CAMKMT: variants seen among roughly 807,000 people sequenced by gnomAD.
The protein encoded by CAMKMT is calmodulin-lysine N-methyltransferase.
Under a neutral mutation model 48.0 loss-of-function variants are expected in CAMKMT, and 53 were observed. The ratio of observed to expected loss-of-function variants is 1.10; its 90% CI spans 0.89 to 1.39. The LOEUF is 1.39. Among genes scored for constraint, CAMKMT ranks in the 40% most tolerant of loss-of-function variants. The pLI is 0.00. For synonymous variants in CAMKMT, 165 were observed against 152.3 expected, an observed-to-expected ratio of 1.08 and a Z score of -0.61; for missense variants, 428 against 402.7, an observed-to-expected ratio of 1.06 and a Z score of -0.54.
intron 3 of CAMKMT, among the ~76,000 whole-genome samples, chr2:44,668,669 T>C (rs560895242): frequency 1.1e-4 from 16 of 152,358 alleles, no homozygotes; most frequent in African/African-American, 3.8e-4. Flanking sequence ...CGTAGAATAT[T>C]ACCAATGTTT....
intron 3 of CAMKMT, among the ~76,000 whole-genome samples, chr2:44,480,535 G>A (rs1668913863): frequency 6.6e-6 from 1 of 152,066 alleles, no homozygotes; most frequent in Admixed American, 6.5e-5. Context: ...AGCAACCCTT[G>A]TCTTATTGCT....
chr2:44,631,002 G>A (rs1306573736), intron 3 of CAMKMT, among the ~76,000 whole-genome samples: 1 of 152,040 alleles, frequency 6.6e-6, no homozygotes, highest in Non-Finnish European at 1.5e-5. Context: ...CAACCCAAAT[G>A]TCCAACAATG....
intron 3 of CAMKMT, among the ~76,000 whole-genome samples, chr2:44,451,751 A>C (rs1040283938): frequency 6.6e-6 from 1 of 152,036 alleles, no homozygotes; most frequent in African/African-American, 2.4e-5. Context: ...AAACACGGTA[A>C]AATGTTAAGG....
At chr2:44,372,993 A>G (rs948685468) in intron 2 of CAMKMT, 105 bp downstream of exon 2, 3 of 1,066,288 alleles carry the variant, frequency 2.8e-6, no homozygotes, top group African/African-American at 3.3e-5. Flanking sequence ...GTTTACGGGC[A>G]ATCTTTTTCA....
intron 3 of CAMKMT, among the ~76,000 whole-genome samples, chr2:44,492,324 C>T (rs1001714145): frequency 6.6e-6 from 1 of 152,178 alleles, no homozygotes; most frequent in Non-Finnish European, 1.5e-5. Context: ...TTGTTATCAA[C>T]TTCCATAAAT....
intron 7 of CAMKMT, among the ~76,000 whole-genome samples, chr2:44,716,342 C>T (rs1320259157): frequency 1.3e-5 from 2 of 152,096 alleles, no homozygotes; most frequent in Non-Finnish European, 2.9e-5. Flanking sequence ...GATACAGCCC[C>T]GGCAGCCAGT....
intron 3 of CAMKMT, among the ~76,000 whole-genome samples, chr2:44,701,055 G>C (rs972934962): frequency 6.6e-6 from 1 of 152,120 alleles, no homozygotes; most frequent in Non-Finnish European, 1.5e-5. Context: ...TGGACATTGG[G>C]GTTGTTTCCA....
intron 6 of CAMKMT, among the ~76,000 whole-genome samples, chr2:44,714,403 G>T (rs2104299740): frequency 6.6e-6 from 1 of 152,290 alleles, no homozygotes; most frequent in South Asian, 2.1e-4. Context: ...TTCCATAAAT[G>T]TGGCTCTTTT....
rs185990334 is a variant in CAMKMT, at chr2:44,465,847, T to C, written c.376+75542T>C. Among the ~76,000 whole-genome samples the C allele has an allele frequency of 9.9e-4, 151 of 152,266 alleles. 1 individual carries two copies. The highest frequency in any genetic ancestry group is 3.6e-3 in the African/African-American group (150 of 41,554). On this transcript the variant is annotated intron_variant, in intron 3 of 10. Transcript: ENST00000378494. Reference sequence around the variant, plus strand: ...CTGAAAGTGAAAGGATGGAAAAAGATACTCCATGCAAATAGCAACCAAAGG... The same window carrying C: ...CTGAAAGTGAAAGGATGGAAAAAGACACTCCATGCAAATAGCAACCAAAGG...
chr2:44,463,191 T>TCAAAACTTAATGGC (rs1309250869), intron 3 of CAMKMT, among the ~76,000 whole-genome samples: 1 of 152,186 alleles, frequency 6.6e-6, no homozygotes, highest in Non-Finnish European at 1.5e-5. Flanking sequence ...ACACACCACT[T>TCAAAACTTAATGGC]CAAAACTTAA....
At chr2:44,735,864 G>C (rs1277686720) in intron 7 of CAMKMT, among the ~76,000 whole-genome samples, 1 of 152,082 alleles carries the variant, frequency 6.6e-6, no homozygotes, top group Non-Finnish European at 1.5e-5. Flanking sequence ...AGTGAGCTGA[G>C]ATCATGCTAC....
intron 2 of CAMKMT, among the ~76,000 whole-genome samples, chr2:44,373,262 A>T (rs1213982366): frequency 6.6e-6 from 1 of 152,212 alleles, no homozygotes; most frequent in Non-Finnish European, 1.5e-5. Flanking sequence ...AATCTGAAAA[A>T]TCAAGCTTTG....
At chr2:44,706,613 AT>A (rs35364346) in intron 5 of CAMKMT, among the ~76,000 whole-genome samples, 25,921 of 135,974 alleles carry the variant, frequency 0.19, 2,202 homozygotes, top group Admixed American at 0.24. Context: ...TAGCGAAAGC[AT>A]TTTTTTTTTT....
Position 44,715,149 on chromosome 2 carries a change from C to T in CAMKMT, c.557-138C>T, listed in dbSNP as rs560855278. ...TAGAGGGTGCAGTGAGCTGAGATCACGCCACTGCACTCCAGCCTGGGCAAC... is the reference window on the plus strand; with the variant it reads ...TAGAGGGTGCAGTGAGCTGAGATCATGCCACTGCACTCCAGCCTGGGCAAC... On this transcript the variant is annotated intron_variant, in intron 6 of 10. Transcript: ENST00000378494. 2.1e-3 allele frequency: 1,097 copies of T among 533,074 alleles called. 4 individuals are homozygous for T. Among genetic ancestry groups the T allele is most frequent in the Non-Finnish European group, 2.7e-3 (829 of 306,158 alleles). The allele number at this position is 533,074 out of a possible 1,614,324, so 33.0% of individuals were successfully genotyped here. A position where few individuals can be genotyped will look rare whatever the true frequency, so the allele number is the denominator to read the frequency against.
rs71393275 is a variant in CAMKMT, at chr2:44,436,572, A to ATT, written c.376+46279_376+46280dup. 2.6e-3 allele frequency among the ~76,000 whole-genome samples: 385 copies of ATT among 148,036 alleles called. 2 individuals carry two copies. The highest frequency in any genetic ancestry group is 7.8e-3 in the African/African-American group (314 of 40,450). On this transcript the variant is annotated intron_variant, in intron 3 of 10. Coordinates refer to ENST00000378494, the MANE Select transcript of CAMKMT (RefSeq NM_024766.5). The stretch of plus-strand genomic sequence containing the variant: ...TTTTTGTCAAATATTCTTATTTTTA[A>ATT]TTTTTTTTTTTTTACAAACTTTAAA...
intron 3 of CAMKMT, chr2:44,676,868 CT>C (rs1675723956): frequency 6.6e-6 from 1 of 152,152 alleles, no homozygotes; most frequent in African/African-American, 2.4e-5. Context: ...ATTTTTTCTT[CT>C]TTTTTAAAAA....
chr2:44,639,785 A>G (rs1325857269), intron 3 of CAMKMT, among the ~76,000 whole-genome samples: 1 of 152,202 alleles, frequency 6.6e-6, no homozygotes, highest in Non-Finnish European at 1.5e-5. Context: ...GCCTTATTTA[A>G]TAAAAGTTGA....
chr2:44,759,140 G>A (rs1434919577), intron 9 of CAMKMT, among the ~76,000 whole-genome samples: 1 of 152,112 alleles, frequency 6.6e-6, no homozygotes, highest in African/African-American at 2.4e-5. Context: ...TTTTTTGGGG[G>A]GGAGGACAGG....
intron 3 of CAMKMT, among the ~76,000 whole-genome samples, chr2:44,599,888 C>A (rs1293122027): frequency 2.0e-5 from 3 of 151,252 alleles, no homozygotes; most frequent in African/African-American, 7.3e-5. Context: ...GGAAGCAATT[C>A]ATTCCAATGT....
Sources: gnomAD v4.1 joint callset for allele counts (sites outside exome capture counted in the v4.1 genomes callset) on GRCh38, gnomAD v4.1.1 for gene constraint, MANE v1.5 for transcripts, NCBI Gene and HGNC (gene_info 2026-07-23, HGNC 2026-07-21) for gene names.